NUMB: variants seen among roughly 807,000 people sequenced by gnomAD.
The protein encoded by NUMB is NUMB endocytic adaptor protein.
In NUMB, 29 loss-of-function variants were observed where a neutral mutation model predicts 59.7. The observed-to-expected ratio is 0.49, with a 90% confidence interval of 0.36 to 0.66. The LOEUF (loss-of-function observed/expected upper bound fraction) is 0.66. Ranked by LOEUF, NUMB falls within the 30% of genes least tolerant of loss-of-function variation. The probability of loss-of-function intolerance (pLI) is 0.00; values close to 1 mark genes in which losing one functional copy is unlikely to be tolerated. For synonymous variants in NUMB, 288 were observed against 288.2 expected (o/e 1.00, Z 0.01); for missense variants, 723 against 822.0 (o/e 0.88, Z 1.47).
intron 7 of NUMB, among the ~76,000 whole-genome samples, chr14:73,294,554 G>A (rs971522118): frequency 2.6e-5 from 4 of 151,422 alleles, no homozygotes; most frequent in African/African-American, 7.3e-5. Flanking sequence ...TTGCTCTGTC[G>A]CCCAGGCTGC....
intron 1 of NUMB, among the ~76,000 whole-genome samples, chr14:73,437,324 A>T (rs1361344679): frequency 6.6e-6 from 1 of 152,210 alleles, no homozygotes; most frequent in Non-Finnish European, 1.5e-5. Flanking sequence ...GGCATAAGCC[A>T]TCACGCCTGG....
intron 2 of NUMB, among the ~76,000 whole-genome samples, chr14:73,370,014 A>G (rs1894583103): frequency 6.6e-6 from 1 of 152,190 alleles, no homozygotes; most frequent in South Asian, 2.1e-4. Flanking sequence ...TCTTTCACTC[A>G]ATATTGTCTA....
intron 4 of NUMB, among the ~76,000 whole-genome samples, chr14:73,351,023 T>C (rs77469956): frequency 0.025 from 3,762 of 152,264 alleles, 152 homozygotes; most frequent in African/African-American, 0.086. Flanking sequence ...TTTTCTGGGT[T>C]GGAGTTGGCT....
At chr14:73,345,895 C>T (rs779030299) in intron 4 of NUMB, among the ~76,000 whole-genome samples, 26 of 151,436 alleles carry the variant, frequency 1.7e-4, no homozygotes, top group Non-Finnish European at 2.2e-4. Flanking sequence ...GGGACAAGAA[C>T]GAGACTTCAT....
chr14:73,301,379 T>G (rs143671714), intron 6 of NUMB, among the ~76,000 whole-genome samples: 5 of 152,330 alleles, frequency 3.3e-5, no homozygotes, highest in Admixed American at 2.6e-4. Context: ...AGAATGGGAC[T>G]GTTCTCCAGT....
At chr14:73,323,881 T>C (rs1356341150) in intron 4 of NUMB, among the ~76,000 whole-genome samples, 3 of 152,188 alleles carry the variant, frequency 2.0e-5, no homozygotes, top group Non-Finnish European at 4.4e-5. Context: ...TATGTATCAG[T>C]GCTGGGACTC....
intron 2 of NUMB, among the ~76,000 whole-genome samples, chr14:73,401,955 G>A (rs146286791): frequency 1.2e-4 from 19 of 152,212 alleles, no homozygotes; most frequent in African/African-American, 4.6e-4. Flanking sequence ...TCAAACTGCT[G>A]GGCTCAAGCA....
At chr14:73,332,899 GT>G (rs1892067883) in intron 4 of NUMB, among the ~76,000 whole-genome samples, 1 of 151,860 alleles carries the variant, frequency 6.6e-6, no homozygotes, top group African/African-American at 2.4e-5. Context: ...CTAGCATACT[GT>G]TTTCCAGGTT....
chr14:73,346,534 C>T (rs1049061552), intron 4 of NUMB, among the ~76,000 whole-genome samples: 4 of 151,364 alleles, frequency 2.6e-5, no homozygotes, highest in Non-Finnish European at 4.4e-5. Context: ...AATTGCAAGA[C>T]GAGCTCTGAA....
At chr14:73,382,432 T>C (rs1298831176) in intron 2 of NUMB, among the ~76,000 whole-genome samples, 1 of 148,250 alleles carries the variant, frequency 6.7e-6, no homozygotes, top group Non-Finnish European at 1.5e-5. Flanking sequence ...CCAGCCAAAG[T>C]GCCTATTTTT....
At chr14:73,391,277 T>A (rs1461677370) in intron 2 of NUMB, among the ~76,000 whole-genome samples, 1 of 150,492 alleles carries the variant, frequency 6.6e-6, no homozygotes, top group Non-Finnish European at 1.5e-5. Flanking sequence ...TCAGTGGATT[T>A]TTTTTCTTTT....
At chr14:73,354,214 A>G (rs976222592) in intron 4 of NUMB, among the ~76,000 whole-genome samples, 11 of 152,082 alleles carry the variant, frequency 7.2e-5, no homozygotes, top group Non-Finnish European at 1.5e-4. Flanking sequence ...ATTTACACTT[A>G]TAAGAATACA....
intron 4 of NUMB, among the ~76,000 whole-genome samples, chr14:73,336,353 C>T (rs927803181): frequency 6.6e-5 from 10 of 152,168 alleles, no homozygotes; most frequent in African/African-American, 2.4e-4. Context: ...AATGAATAAA[C>T]CCAGGCAAAG....
intron 11 of NUMB, chr14:73,281,434 A>G (rs1594856565): frequency 6.6e-6 from 1 of 152,208 alleles, no homozygotes; most frequent in South Asian, 2.1e-4. Flanking sequence ...ATGACTATGA[A>G]GGTTTATTAA....
At chr14:73,382,401 C>T (rs900107353) in intron 2 of NUMB, among the ~76,000 whole-genome samples, 4 of 151,876 alleles carry the variant, frequency 2.6e-5, no homozygotes, top group African/African-American at 9.7e-5. Context: ...CCTGCCTCAG[C>T]CTCCCAAAGT....
chr14:73,418,642 A>T (rs1897227856), intron 1 of NUMB, among the ~76,000 whole-genome samples: 1 of 151,864 alleles, frequency 6.6e-6, no homozygotes, highest in African/African-American at 2.4e-5. Flanking sequence ...ATGGTGGCAC[A>T]TGCCTGTAAT....
At chr14:73,426,706 G>C (rs1376510368) in intron 1 of NUMB, among the ~76,000 whole-genome samples, 3 of 152,126 alleles carry the variant, frequency 2.0e-5, no homozygotes, top group Non-Finnish European at 4.4e-5. Context: ...AACTAGCCAG[G>C]CGTGGTGGCG....
At chr14:73,339,862 G>A (rs1216226460) in intron 4 of NUMB, among the ~76,000 whole-genome samples, 1 of 152,164 alleles carries the variant, frequency 6.6e-6, no homozygotes, top group East Asian at 1.9e-4. Flanking sequence ...TGGAGGGCAG[G>A]CAGAAGAGTG....
chr14:73,447,786 T>C, intron 1 of NUMB, among the ~76,000 whole-genome samples: 1 of 135,146 alleles, frequency 7.4e-6, no homozygotes, highest in Non-Finnish European at 1.6e-5. Flanking sequence ...TTCTTGCCGA[T>C]TTTTTTTTTT....
Sources: gnomAD v4.1 joint callset for allele counts (sites outside exome capture counted in the v4.1 genomes callset) on GRCh38, gnomAD v4.1.1 for gene constraint, MANE v1.5 for transcripts, NCBI Gene and HGNC (gene_info 2026-07-23, HGNC 2026-07-21) for gene names.